Variants in CDH18 observed in about 807,000 individuals in gnomAD.
The protein encoded by CDH18 is cadherin 18.
Under a neutral mutation model 67.9 loss-of-function variants are expected in CDH18, and 31 were observed. The ratio of observed to expected loss-of-function variants is 0.46; its 90% confidence interval spans 0.34 to 0.62. The LOEUF (loss-of-function observed/expected upper bound fraction) is 0.62, where lower values mean the gene tolerates loss of function less well. Ranked by LOEUF, CDH18 falls within the 20% of genes least tolerant of loss-of-function variation. The probability of loss-of-function intolerance (pLI) is 0.01; values close to 1 mark genes in which losing one functional copy is unlikely to be tolerated. For missense variants in CDH18, 890 were observed against 975.5 expected, an observed-to-expected ratio of 0.91 and a Z score of 1.17; for synonymous variants, 362 against 347.2, an observed-to-expected ratio of 1.04 and a Z score of -0.48.
rs188706399 is a variant in CDH18, at chr5:19,713,086, C to T, written c.643+8261G>A. On this transcript the variant is annotated intron_variant, in intron 5 of 12. Coordinates refer to ENST00000382275, the MANE Select transcript of CDH18 (RefSeq NM_004934.5). Reference sequence around the variant, plus strand: ...GCTAATATATTTGCCACGCTATTGGCTAAACAATAATTCCCAGTATTTTTT... The same window carrying T: ...GCTAATATATTTGCCACGCTATTGGTTAAACAATAATTCCCAGTATTTTTT... 4.0e-3 allele frequency among the ~76,000 whole-genome samples: 428 copies of T among 106,894 alleles called. 1 individual carries two copies. The highest frequency in any genetic ancestry group is 0.014 in the African/African-American group (411 of 30,116). The allele number at this position is 106,894 out of a possible 152,430, so 70.1% of individuals were successfully genotyped here.
rs190345189 is a variant in CDH18 at position 19,828,602 on chromosome 5, G to A, written c.228+10157C>T. On this transcript the variant is annotated intron_variant, in intron 3 of 12. Transcript: ENST00000382275. ...GGTTCAACATTGCAAATCAATAAGC[G>A]TGATTCATCACAGCAACAGAAGTAA... Among the ~76,000 whole-genome samples, 24 of 152,282 alleles carry A rather than the reference G, an allele frequency of 1.6e-4. No homozygotes were observed. In the East Asian group the frequency reaches 3.9e-3, roughly 25 times the overall value.
At chr5:20,451,847 C>A (rs1237932230) in intron 1 of CDH18, among the ~76,000 whole-genome samples, 1 of 152,122 alleles carries the variant, frequency 6.6e-6, no homozygotes, top group Admixed American at 6.5e-5. Flanking sequence ...AACAGCACCA[C>A]AAATTGTTTC....
intron 2 of CDH18, among the ~76,000 whole-genome samples, chr5:20,236,506 G>T (rs1021037933): frequency 1.4e-4 from 22 of 151,812 alleles, no homozygotes; most frequent in African/African-American, 3.9e-4. Context: ...TCAAGAATGA[G>T]ATAATGGCAT....
In CDH18 at chr5:19,473,184, T is replaced by C. The variant is rs762251921; in HGVS notation, c.*42A>G. On this transcript the variant is annotated 3_prime_UTR_variant, in exon 13 of 13. Coordinates refer to ENST00000382275, the MANE Select transcript of CDH18 (RefSeq NM_004934.5). Reference sequence around the variant, plus strand: ...TCATTGCTGAGGTTGTATATCCACTTACTCAGGAAGCAAATTCCACAAGGT... The same window carrying C: ...TCATTGCTGAGGTTGTATATCCACTCACTCAGGAAGCAAATTCCACAAGGT... The C allele has an allele frequency of 6.3e-7, 1 of 1,591,924 alleles. No individual in the cohort carries two copies. The highest frequency in any genetic ancestry group is 8.6e-7 in the Non-Finnish European group (1 of 1,167,942).
intron 5 of CDH18, among the ~76,000 whole-genome samples, chr5:19,662,648 C>A (rs1200508057): frequency 6.6e-6 from 1 of 151,980 alleles, no homozygotes; most frequent in Non-Finnish European, 1.5e-5. Flanking sequence ...TGATGAGCCA[C>A]AAACCACATA....
chr5:20,231,593 T>C (rs1356762090), intron 2 of CDH18, among the ~76,000 whole-genome samples: 1 of 145,110 alleles, frequency 6.9e-6, no homozygotes, highest in African/African-American at 2.6e-5. Flanking sequence ...AGAGTGAAAC[T>C]CCATCTCAAA....
At chr5:19,593,707 C>CCTTCTTCCTCTTCTTCTTCTTCTTCTT in intron 6 of CDH18, among the ~76,000 whole-genome samples, 1 of 33,402 alleles carries the variant, frequency 3.0e-5, no homozygotes, top group Non-Finnish European at 5.5e-5. Flanking sequence ...TCCTCCTCCT[C>CCTTCTTCCTCTTCTTCTTCTTCTTCTT]CTTCTTCTTC....
In CDH18 at chr5:19,896,678, T is replaced by C. The variant is rs76553231; in HGVS notation, c.-256-57436A>G. Among the ~76,000 whole-genome samples, 895 of 152,324 alleles carry C rather than the reference T, an allele frequency of 5.9e-3. 2 individuals carry two copies. Among genetic ancestry groups the C allele is most frequent in the Non-Finnish European group, 8.5e-3 (576 of 68,024 alleles). ...ATTTCTAGCGTTTTAAGCCAATGAA[T>C]TGACGGAAATCTGTTACTAATTACT... On this transcript the variant is annotated intron_variant, in intron 2 of 12. Coordinates refer to ENST00000382275, the MANE Select transcript of CDH18 (RefSeq NM_004934.5).
At chr5:20,264,833 G>A (rs1048184745) in intron 1 of CDH18, among the ~76,000 whole-genome samples, 4 of 152,128 alleles carry the variant, frequency 2.6e-5, no homozygotes, top group African/African-American at 9.6e-5. Context: ...ACATTTTTAT[G>A]CCCAGCAGGA....
intron 1 of CDH18, among the ~76,000 whole-genome samples, chr5:20,533,155 G>A (rs917967151): frequency 6.6e-6 from 1 of 152,024 alleles, no homozygotes; most frequent in African/African-American, 2.4e-5. Flanking sequence ...TCCAAATGAC[G>A]CTTCTGCAAG....
intron 2 of CDH18, among the ~76,000 whole-genome samples, chr5:20,116,790 A>T (rs186505794): frequency 6.6e-6 from 1 of 152,294 alleles, no homozygotes; most frequent in East Asian, 1.9e-4. Flanking sequence ...TGGAAACAGG[A>T]CTTAACTAAA....
chr5:20,180,985 G>T (rs927855859), intron 2 of CDH18, among the ~76,000 whole-genome samples: 2 of 152,114 alleles, frequency 1.3e-5, no homozygotes, highest in African/African-American at 4.8e-5. Context: ...CACTCATGCT[G>T]TACTTTTGCT....
Position 19,635,196 on chromosome 5 carries a change from T to C in CDH18, c.644-22595A>G, listed in dbSNP as rs58968952. Reference sequence around the variant, plus strand: ...TCTGTCTATTGATGCTAGTTTTGCTTTTTCAATAGAAAGAATATGTATACC... The same window carrying C: ...TCTGTCTATTGATGCTAGTTTTGCTCTTTCAATAGAAAGAATATGTATACC... On this transcript the variant is annotated intron_variant, in intron 5 of 12. Coordinates refer to ENST00000382275, the MANE Select transcript of CDH18 (RefSeq NM_004934.5). 3.8e-3 allele frequency among the ~76,000 whole-genome samples: 575 copies of C among 152,230 alleles called. 2 individuals are homozygous for C. Among genetic ancestry groups the C allele is most frequent in the African/African-American group, 0.013 (542 of 41,554 alleles).
At chr5:19,952,921 A>G (rs13157047) in intron 2 of CDH18, among the ~76,000 whole-genome samples, 64,834 of 152,000 alleles carry the variant, frequency 0.43, 16,144 homozygotes, top group Middle Eastern at 0.64. Context: ...AAACTTTACC[A>G]TCTGAATTCA....
At chr5:19,513,496 T>C (rs1745444360) in intron 10 of CDH18, among the ~76,000 whole-genome samples, 1 of 152,164 alleles carries the variant, frequency 6.6e-6, no homozygotes, top group Non-Finnish European at 1.5e-5. Context: ...ACCAGGGACT[T>C]ATCTGTCTTT....
intron 2 of CDH18, among the ~76,000 whole-genome samples, chr5:19,863,663 A>G (rs1309961719): frequency 6.6e-6 from 1 of 151,716 alleles, no homozygotes; most frequent in Non-Finnish European, 1.5e-5. Context: ...CTATCCACCA[A>G]TGCAACCTGG....
chr5:19,634,562 T>A (rs1752850207), intron 5 of CDH18, among the ~76,000 whole-genome samples: 1 of 152,188 alleles, frequency 6.6e-6, no homozygotes, highest in South Asian at 2.1e-4. Context: ...AAGTTAGCAT[T>A]TTTCTTATTG....
At chr5:19,503,424 C>A (rs1162472799) in intron 10 of CDH18, among the ~76,000 whole-genome samples, 1 of 151,826 alleles carries the variant, frequency 6.6e-6, no homozygotes, top group Non-Finnish European at 1.5e-5. Flanking sequence ...CACATGAATA[C>A]CTGTTGGAGG....
intron 2 of CDH18, among the ~76,000 whole-genome samples, chr5:20,222,263 T>G (rs972909633): frequency 6.6e-6 from 1 of 152,284 alleles, no homozygotes; most frequent in South Asian, 2.1e-4. Flanking sequence ...TAAACAAAAA[T>G]TTTATTTACG....
Sources: gnomAD v4.1 joint callset for allele counts (sites outside exome capture counted in the v4.1 genomes callset) on GRCh38, gnomAD v4.1.1 for gene constraint, MANE v1.5 for transcripts, NCBI Gene and HGNC (gene_info 2026-07-23, HGNC 2026-07-21) for gene names.